Variants in SHISA9 observed in about 807,000 individuals in gnomAD.
The protein encoded by SHISA9 is protein shisa-9.
A neutral mutation model predicts 38.0 loss-of-function variants in SHISA9; 13 were observed. The ratio of observed to expected loss-of-function variants is 0.34; its 90% CI spans 0.22 to 0.54. The LOEUF (loss-of-function observed/expected upper bound fraction) is 0.54, where lower values mean the gene tolerates loss of function less well. SHISA9 is among the 20% of genes least tolerant of loss of function. The pLI is 0.91. For synonymous variants in SHISA9, 275 were observed against 242.0 expected (o/e 1.14, Z -1.27); for missense variants, 538 against 575.8 (o/e 0.93, Z 0.67).
At chr16:13,006,723 TA>T (rs1431344037) in intron 2 of SHISA9, among the ~76,000 whole-genome samples, 2 of 152,198 alleles carry the variant, frequency 1.3e-5, no homozygotes, top group East Asian at 1.9e-4. Flanking sequence ...CACAGCTGAT[TA>T]GGGGGAAATA....
Position 12,902,321 on chromosome 16 carries a change from C to T in SHISA9, c.257C>T (p.Pro86Leu). 1 of 1,551,260 alleles carries T rather than the reference C, an allele frequency of 6.4e-7. No homozygotes were observed. The highest frequency in any genetic ancestry group is 8.7e-7 in the Non-Finnish European group (1 of 1,146,990). ...GYFDVMGQWDPPFNCSSGDFI... is the reference protein window; with the variant it reads ...GYFDVMGQWDLPFNCSSGDFI... The stretch of plus-strand genomic sequence containing the variant: ...TTCGATGTCATGGGCCAGTGGGACC[C>T]GCCGTTCAACTGCAGCTCGGGCGAC... Residue 86 changes from proline to leucine, a missense_variant, in exon 1 of 5, where the codon CCG becomes CTG. Coordinates refer to ENST00000558583, the MANE Select transcript of SHISA9 (RefSeq NM_001145204.3).
chr16:13,172,637 G>C (rs1377808776), intron 2 of SHISA9, among the ~76,000 whole-genome samples: 1 of 151,938 alleles, frequency 6.6e-6, no homozygotes, highest in Non-Finnish European at 1.5e-5. Flanking sequence ...AGCCGTCGTT[G>C]AGTCTTCCAG....
intron 2 of SHISA9, among the ~76,000 whole-genome samples, chr16:13,092,201 C>T (rs972751169): frequency 4.6e-5 from 7 of 152,172 alleles, no homozygotes; most frequent in Admixed American, 1.3e-4. Flanking sequence ...AAGCTTCGTC[C>T]GAGAGGGGCA....
chr16:13,249,826 A>G, the SHISA9 span, among the ~76,000 whole-genome samples: 1 of 152,236 alleles, frequency 6.6e-6, no homozygotes, highest in South Asian at 2.1e-4. Context: ...TCAACCTGTG[A>G]GACTCAAGCG....
the SHISA9 span, among the ~76,000 whole-genome samples, chr16:13,307,923 G>A: frequency 3.3e-5 from 5 of 152,164 alleles, no homozygotes; most frequent in African/African-American, 9.7e-5. Flanking sequence ...CCAGCAATTA[G>A]TGTTGGATTT....
chr16:13,424,236 T>C, the SHISA9 span, among the ~76,000 whole-genome samples: 1 of 152,260 alleles, frequency 6.6e-6, no homozygotes, highest in South Asian at 2.1e-4. Flanking sequence ...CACTAGGAAG[T>C]AATCTGTTAC....
the SHISA9 span, among the ~76,000 whole-genome samples, chr16:13,401,265 A>G: frequency 2.6e-5 from 4 of 152,228 alleles, no homozygotes; most frequent in African/African-American, 9.6e-5. Context: ...ACAGATGAGA[A>G]AGCCAAGGCA....
the SHISA9 span, among the ~76,000 whole-genome samples, chr16:13,502,640 C>T: frequency 3.9e-5 from 6 of 151,976 alleles, no homozygotes; most frequent in Admixed American, 6.6e-5. Context: ...TTTGGGAGGC[C>T]GAGGCAGATG....
the SHISA9 span, among the ~76,000 whole-genome samples, chr16:13,302,047 G>A: frequency 6.6e-6 from 1 of 152,120 alleles, no homozygotes; most frequent in Non-Finnish European, 1.5e-5. Context: ...AGGATACAGG[G>A]CAGAGACAGA....
intron 2 of SHISA9, among the ~76,000 whole-genome samples, chr16:13,095,057 G>A (rs2073812038): frequency 6.6e-6 from 1 of 152,306 alleles, no homozygotes; most frequent in East Asian, 1.9e-4. Context: ...GAGAAAACTT[G>A]ATAGGTTAAA....
At chr16:13,542,726 TAAATC>T in the SHISA9 span, among the ~76,000 whole-genome samples, 2 of 152,330 alleles carry the variant, frequency 1.3e-5, no homozygotes, top group South Asian at 4.1e-4. Context: ...TTAACTCGCT[TAAATC>T]AAAATAAGCA....
chr16:13,246,699 C>T, the SHISA9 span, among the ~76,000 whole-genome samples: 4 of 152,034 alleles, frequency 2.6e-5, no homozygotes, highest in Admixed American at 6.5e-5. Flanking sequence ...CCACCATTTC[C>T]ACCACCAACT....
At chr16:13,070,892 G>A (rs981154332) in intron 2 of SHISA9, among the ~76,000 whole-genome samples, 5 of 152,144 alleles carry the variant, frequency 3.3e-5, no homozygotes, top group African/African-American at 1.2e-4. Context: ...GAGGAGCCCC[G>A]AGGAAAGAGG....
chr16:13,079,403 G>A (rs2073621878), intron 2 of SHISA9, among the ~76,000 whole-genome samples: 1 of 152,144 alleles, frequency 6.6e-6, no homozygotes, highest in South Asian at 2.1e-4. Flanking sequence ...TACTATATAT[G>A]ATTGTTTTTG....
intron 2 of SHISA9, among the ~76,000 whole-genome samples, chr16:13,162,356 A>G (rs1270315476): frequency 6.6e-6 from 1 of 152,212 alleles, no homozygotes; most frequent in Non-Finnish European, 1.5e-5. Flanking sequence ...TTGTTTGGAT[A>G]TAGGAGCCAT....
chr16:13,491,186 T>C, the SHISA9 span, among the ~76,000 whole-genome samples: 1 of 152,196 alleles, frequency 6.6e-6, no homozygotes, highest in South Asian at 2.1e-4. Flanking sequence ...CTCTGCTCTC[T>C]TTGTTCTTTG....
chr16:13,528,328 C>T, the SHISA9 span, among the ~76,000 whole-genome samples: 1 of 151,540 alleles, frequency 6.6e-6, no homozygotes, highest in Non-Finnish European at 1.5e-5. Context: ...ACCCAAAGAG[C>T]ATCAGAGCAG....
chr16:13,455,129 C>G, the SHISA9 span, among the ~76,000 whole-genome samples: 1 of 152,116 alleles, frequency 6.6e-6, no homozygotes, highest in African/African-American at 2.4e-5. Context: ...CCTTTATACA[C>G]TATGTATCCA....
At chr16:12,972,045 G>T (rs1053671538) in intron 2 of SHISA9, among the ~76,000 whole-genome samples, 4 of 120,432 alleles carry the variant, frequency 3.3e-5, no homozygotes, top group Non-Finnish European at 5.7e-5. Flanking sequence ...TGGAGTTTGT[G>T]TGTGTGTGTG....
Sources: allele counts gnomAD v4.1 joint callset (sites outside exome capture counted in the v4.1 genomes callset), GRCh38; gene constraint gnomAD v4.1.1; transcripts MANE v1.5; gene names NCBI Gene and HGNC (gene_info 2026-07-23, HGNC 2026-07-21).